LITAF: variants seen among roughly 807,000 people sequenced by gnomAD.
LITAF encodes lipopolysaccharide-induced tumor necrosis factor-alpha factor.
LITAF carries 9 observed loss-of-function variants against 14.5 expected under a neutral mutation model. The observed-to-expected ratio is 0.62, with a 90% CI of 0.37 to 1.08. The LOEUF is 1.08. Ranked by LOEUF, LITAF falls within the 50% of genes least tolerant of loss-of-function variation. The probability of loss-of-function intolerance (pLI) is 0.01; values close to 1 mark genes in which losing one functional copy is unlikely to be tolerated. For missense variants in LITAF, 206 were observed against 213.4 expected (o/e 0.97, Z 0.22); for synonymous variants, 98 against 88.2 (o/e 1.11, Z -0.62).
At chr16:11,601,696 C>T (rs1458395481), upstream of LITAF, among the ~76,000 whole-genome samples, 2 of 152,124 alleles carry the variant, frequency 1.3e-5, no homozygotes, top group Non-Finnish European at 2.9e-5. Flanking sequence ...CTCAGCCTCC[C>T]CAGCAGCTGA....
upstream of LITAF, among the ~76,000 whole-genome samples, chr16:11,601,174 C>A (rs1018868200): frequency 1.7e-4 from 26 of 152,146 alleles, 1 homozygote; most frequent in African/African-American, 6.3e-4. Flanking sequence ...CCCTCCAGAC[C>A]CCATCCTGGG....
chr16:11,579,459 A>AAAAATAAAATAAAT, intron 1 of LITAF, among the ~76,000 whole-genome samples: 1 of 110,402 alleles, frequency 9.1e-6, no homozygotes, highest in South Asian at 3.7e-4. Flanking sequence ...CTCCGTCTCA[A>AAAAATAAAATAAAT]AAAATAAAAT....
chr16:11,628,735 G>A (rs995415615), intron 3 of LITAF, among the ~76,000 whole-genome samples: 2 of 151,612 alleles, frequency 1.3e-5, no homozygotes, highest in African/African-American at 2.4e-5. Context: ...GGAGTACAGT[G>A]GCGTGTTCTC....
At chr16:11,615,818 G>C (rs561753892) in intron 3 of LITAF, among the ~76,000 whole-genome samples, 1 of 152,158 alleles carries the variant, frequency 6.6e-6, no homozygotes, top group Non-Finnish European at 1.5e-5. Context: ...TCAGTGATTA[G>C]AGTATCTTTC....
At chr16:11,573,313 A>C (rs1433069641) in intron 1 of LITAF, among the ~76,000 whole-genome samples, 1 of 152,172 alleles carries the variant, frequency 6.6e-6, no homozygotes, top group Non-Finnish European at 1.5e-5. Flanking sequence ...AAAGAGCAAA[A>C]TGTTGGTAAC....
intron 3 of LITAF, among the ~76,000 whole-genome samples, chr16:11,625,649 G>C (rs1005134752): frequency 6.6e-6 from 1 of 152,184 alleles, no homozygotes; most frequent in East Asian, 1.9e-4. Flanking sequence ...AAGAAACCCT[G>C]AGTTCCCCTA....
chr16:11,616,479 A>T (rs1194309174), intron 3 of LITAF, among the ~76,000 whole-genome samples: 2 of 151,634 alleles, frequency 1.3e-5, no homozygotes, highest in Admixed American at 6.6e-5. Context: ...CCCTGTCTCA[A>T]CAAAACAAAA....
Position 11,556,585 on chromosome 16 carries a change from G to A in LITAF, c.146C>T (p.Thr49Met), listed in dbSNP as rs141862602. The change falls in exon 2 of 4, where the codon ACG becomes ATG. Residue 49 changes from threonine to methionine, a missense_variant. Transcript: ENST00000622633. Reference sequence around the variant, plus strand: ...ATTCATGCCCTTCCCATCAGGCCCCGTCACAAGCCCCGTAGTTGGCCCAGG... The same window carrying A: ...ATTCATGCCCTTCCCATCAGGCCCCATCACAAGCCCCGTAGTTGGCCCAGG... The part of the protein sequence containing the change: ...PMPGPTTGLV[T>M]GPDGKGMNPP... 1.2e-3 allele frequency: 2,001 copies of A among 1,614,150 alleles called. 2 individuals carry two copies. Among genetic ancestry groups the A allele is most frequent in the Non-Finnish European group, 1.6e-3 (1,833 of 1,180,020 alleles).
chr16:11,560,071 C>T lies in LITAF; in HGVS notation c.-5-3336G>A, dbSNP rs987473050. 3.3e-5 allele frequency among the ~76,000 whole-genome samples: 5 copies of T among 152,122 alleles called. No individual in the cohort carries two copies. In the South Asian group the frequency reaches 6.2e-4, roughly 19 times the overall value. On this transcript the variant is annotated intron_variant, in intron 1 of 3. Coordinates refer to ENST00000622633, the MANE Select transcript of LITAF (RefSeq NM_001136472.2). ...CAGTACTTTGGGAGGCCAAGGCAGA[C>T]GGATCGCCTGAGGTCAGGAGTTTGA...
At chr16:11,599,883 G>A (rs2064916749), upstream of LITAF, among the ~76,000 whole-genome samples, 1 of 152,074 alleles carries the variant, frequency 6.6e-6, no homozygotes, top group South Asian at 2.1e-4. Flanking sequence ...CTTCAAACCT[G>A]TGCTCAAACA....
chr16:11,554,455 AT>A (rs1413046682), intron 2 of LITAF, among the ~76,000 whole-genome samples: 3 of 152,178 alleles, frequency 2.0e-5, no homozygotes, highest in African/African-American at 7.2e-5. Context: ...AGAAAAAGCT[AT>A]GTGAAAACAT....
chr16:11,549,613 G>C lies in LITAF; in HGVS notation c.*24C>G, dbSNP rs571908546. On this transcript the variant is annotated 3_prime_UTR_variant, in exon 4 of 4. Coordinates refer to ENST00000622633, the MANE Select transcript of LITAF (RefSeq NM_001136472.2). This position sits in a 1 kb window ranked among gnomAD's most constrained non-coding sequence, Gnocchi z 4.6. ...TGGAAAGGACTTCCTGCGGCACCCG[G>C]CTCCCTCCACGTCTGGCTGAGTCCT... 9.6e-6 allele frequency: 15 copies of C among 1,567,828 alleles called. No individual in the cohort carries two copies. In the South Asian group the frequency reaches 1.6e-4, roughly 16 times the overall value.
At chr16:11,602,145 T>C (rs2064931690), upstream of LITAF, among the ~76,000 whole-genome samples, 7 of 152,272 alleles carry the variant, frequency 4.6e-5, 1 homozygote, top group South Asian at 1.5e-3. Context: ...ACGGATTGCC[T>C]GAGCTCAGGA....
chr16:11,634,057 C>T lies in LITAF; in HGVS notation c.-20-420G>A, dbSNP rs915570555. Among the ~76,000 whole-genome samples, 1 of 152,182 alleles carries T rather than the reference C, an allele frequency of 6.6e-6. No individual in the cohort carries two copies. The highest frequency in any genetic ancestry group is 6.5e-5 in the Admixed American group (1 of 15,276). On this transcript the variant is annotated intron_variant, in intron 2 of 3. Coordinates refer to the LITAF transcript ENST00000574848. This position sits in a 1 kb window ranked among gnomAD's most constrained non-coding sequence, Gnocchi z 4.1. ...CAATACACAGACACATGCAGAGGGA[C>T]ATACAGAACCTCAACAACTCACATG...
At chr16:11,628,851 A>C in intron 3 of LITAF, among the ~76,000 whole-genome samples, 1 of 151,906 alleles carries the variant, frequency 6.6e-6, no homozygotes, top group East Asian at 1.9e-4. Context: ...TAATTTTTGT[A>C]TTTTAGTAGA....
intron 3 of LITAF, among the ~76,000 whole-genome samples, chr16:11,621,453 C>T (rs1237970533): frequency 6.6e-6 from 1 of 152,184 alleles, no homozygotes; most frequent in Non-Finnish European, 1.5e-5. Context: ...CATCCTTCTG[C>T]CTCAGCCTCC....
intron 1 of LITAF, among the ~76,000 whole-genome samples, chr16:11,577,357 G>A (rs1225958814): frequency 1.7e-5 from 2 of 120,670 alleles, no homozygotes; most frequent in African/African-American, 6.5e-5. Context: ...TCCCTCTGTT[G>A]CCCAGGCTGG....
At chr16:11,563,999 C>G (rs930202938) in intron 1 of LITAF, among the ~76,000 whole-genome samples, 1 of 152,050 alleles carries the variant, frequency 6.6e-6, no homozygotes, top group African/African-American at 2.4e-5. Context: ...CTCTGCCTCC[C>G]AGGTTCAAAC....
At chr16:11,613,345 CAG>C (rs1380595030) in intron 3 of LITAF, among the ~76,000 whole-genome samples, 3 of 152,190 alleles carry the variant, frequency 2.0e-5, no homozygotes, top group Non-Finnish European at 4.4e-5. Context: ...CTCGCATTGA[CAG>C]AGAGACCAGA....
Sources: allele counts gnomAD v4.1 joint callset (sites outside exome capture counted in the v4.1 genomes callset), GRCh38; gene constraint gnomAD v4.1.1; non-coding constraint Gnocchi (gnomAD v3.1); transcripts MANE v1.5; gene names NCBI Gene and HGNC (gene_info 2026-07-23, HGNC 2026-07-21).